Variants in PRKG1 observed in about 807,000 individuals in gnomAD.
The protein encoded by PRKG1 is protein kinase cGMP-dependent 1.
PRKG1 carries 35 observed loss-of-function variants against 88.1 expected under a neutral mutation model. That is an observed-to-expected ratio of 0.40 (90% CI 0.30 to 0.53). The LOEUF (loss-of-function observed/expected upper bound fraction) is 0.53. Ranked by LOEUF, PRKG1 falls within the 20% of genes least tolerant of loss-of-function variation. The pLI, the probability that PRKG1 is intolerant of heterozygous loss-of-function variation, is 0.59. For missense variants in PRKG1, 540 were observed against 839.8 expected (o/e 0.64, Z 4.41); for synonymous variants, 303 against 292.5 (o/e 1.04, Z -0.37).
At chr10:52,086,370 C>G (rs1846913905) in intron 7 of PRKG1, among the ~76,000 whole-genome samples, 2 of 150,596 alleles carry the variant, frequency 1.3e-5, no homozygotes, top group Non-Finnish European at 3.0e-5. Flanking sequence ...TTATTTTTCT[C>G]AGTATATTTT....
At chr10:52,062,494 T>G in intron 6 of PRKG1, 43 bp from the exon 7 acceptor site, 1 of 1,258,082 alleles carries the variant, frequency 7.9e-7, no homozygotes, top group Non-Finnish European at 1.1e-6. Context: ...TTGTCCATTG[T>G]GGGTAAGCAG....
At chr10:52,065,664 T>C (rs1462567018) in intron 7 of PRKG1, among the ~76,000 whole-genome samples, 1 of 152,228 alleles carries the variant, frequency 6.6e-6, no homozygotes, top group Non-Finnish European at 1.5e-5. Context: ...CTGATGAACA[T>C]ATAGTTGCCA....
At chr10:51,688,339 G>A (rs1339494597) in intron 3 of PRKG1, among the ~76,000 whole-genome samples, 2 of 152,020 alleles carry the variant, frequency 1.3e-5, no homozygotes, top group East Asian at 3.9e-4. Flanking sequence ...GGTATATTCT[G>A]TTCTCCTCAG....
intron 7 of PRKG1, among the ~76,000 whole-genome samples, chr10:52,100,807 T>A (rs1191955892): frequency 6.6e-6 from 1 of 152,246 alleles, no homozygotes; most frequent in African/African-American, 2.4e-5. Context: ...CTTATTTATA[T>A]CTGCTTTATT....
intron 3 of PRKG1, among the ~76,000 whole-genome samples, chr10:51,480,026 G>C (rs575375342): frequency 6.6e-6 from 1 of 151,988 alleles, no homozygotes; most frequent in East Asian, 1.9e-4. Flanking sequence ...TTAAATGTTG[G>C]CAAGCTTGAT....
At chr10:51,189,459 T>C (rs1035467853) in intron 2 of PRKG1, among the ~76,000 whole-genome samples, 1 of 151,878 alleles carries the variant, frequency 6.6e-6, no homozygotes, top group Non-Finnish European at 1.5e-5. Flanking sequence ...AAAATTCCTA[T>C]GAGCAAATAA....
intron 3 of PRKG1, among the ~76,000 whole-genome samples, chr10:51,632,180 C>A (rs1360579413): frequency 6.6e-6 from 1 of 151,854 alleles, no homozygotes; most frequent in Admixed American, 6.6e-5. Flanking sequence ...AGTTCTTCTT[C>A]TTCTAATATG....
At chr10:51,306,420 AC>A (rs1464920933) in intron 2 of PRKG1, 1 of 152,144 alleles carries the variant, frequency 6.6e-6, no homozygotes, top group Non-Finnish European at 1.5e-5. Flanking sequence ...CCAGGCTTTT[AC>A]CCAGTATGGC....
rs565962389 is a variant in PRKG1, at chr10:51,213,016, G to A, written c.478+59686G>A. Among the ~76,000 whole-genome samples the A allele has an allele frequency of 3.9e-4, 60 of 152,200 alleles. No homozygotes were observed. In the East Asian group the frequency reaches 4.4e-3, roughly 11 times the overall value. The stretch of plus-strand genomic sequence containing the variant: ...TGCTGCTATAAAGACACATGCACAC[G>A]TATGTTTATTGCGGCACTATTCACA... On this transcript the variant is annotated intron_variant, in intron 2 of 17. Transcript: ENST00000373980.
At chr10:51,209,060 C>T (rs530303762) in intron 2 of PRKG1, among the ~76,000 whole-genome samples, 1 of 152,252 alleles carries the variant, frequency 6.6e-6, no homozygotes, top group South Asian at 2.1e-4. Context: ...GCCCCTCCAG[C>T]AATGGAAAAT....
chr10:51,215,922 G>A (rs10996110), intron 2 of PRKG1, among the ~76,000 whole-genome samples: 1 of 152,218 alleles, frequency 6.6e-6, no homozygotes, highest in African/African-American at 2.4e-5. Flanking sequence ...TTCATGGAAG[G>A]TGTCTTTGAA....
chr10:52,161,399 T>A (rs903126156), intron 8 of PRKG1, among the ~76,000 whole-genome samples: 20 of 152,126 alleles, frequency 1.3e-4, no homozygotes, highest in African/African-American at 4.8e-4. Context: ...AACCTTAGTT[T>A]ACTATTTTGT....
At chr10:51,024,574 TTA>T (rs1420391700) in intron 1 of PRKG1, among the ~76,000 whole-genome samples, 1 of 152,204 alleles carries the variant, frequency 6.6e-6, no homozygotes, top group African/African-American at 2.4e-5. Context: ...CGTAACTGTA[TTA>T]GTTTGTTCTC....
At chr10:52,078,661 G>A (rs115817970) in intron 7 of PRKG1, among the ~76,000 whole-genome samples, 373 of 152,282 alleles carry the variant, frequency 2.4e-3, no homozygotes, top group African/African-American at 8.3e-3. Context: ...TTCAAAGGAA[G>A]ACTGGATAAA....
intron 2 of PRKG1, among the ~76,000 whole-genome samples, chr10:51,417,779 T>G (rs891227153): frequency 6.6e-6 from 1 of 152,222 alleles, no homozygotes; most frequent in African/African-American, 2.4e-5. Context: ...TTCAGTATCC[T>G]CATCGTGATC....
chr10:51,462,757 C>A (rs896714394), intron 2 of PRKG1, among the ~76,000 whole-genome samples: 1 of 152,142 alleles, frequency 6.6e-6, no homozygotes, highest in Non-Finnish European at 1.5e-5. Flanking sequence ...ACCCTTTAAA[C>A]GTCATTTTAG....
intron 3 of PRKG1, chr10:51,695,423 T>C (rs977660192): frequency 2.0e-5 from 3 of 152,214 alleles, no homozygotes; most frequent in African/African-American, 7.2e-5. Flanking sequence ...GCCCCATGTA[T>C]ATCCAGAATG....
intron 2 of PRKG1, among the ~76,000 whole-genome samples, chr10:51,169,243 A>G (rs1305971803): frequency 1.3e-5 from 2 of 152,150 alleles, no homozygotes; most frequent in Non-Finnish European, 2.9e-5. Context: ...AAGATAATAC[A>G]TTACTGTATA....
chr10:52,110,184 TA>T (rs1395456560), intron 7 of PRKG1, among the ~76,000 whole-genome samples: 9 of 151,730 alleles, frequency 5.9e-5, no homozygotes, highest in Non-Finnish European at 2.9e-5. Flanking sequence ...CCGTCTCTAC[TA>T]AAAATACAAA....
Sources: gnomAD v4.1 joint callset for allele counts (sites outside exome capture counted in the v4.1 genomes callset) on GRCh38, gnomAD v4.1.1 for gene constraint, MANE v1.5 for transcripts, NCBI Gene and HGNC (gene_info 2026-07-23, HGNC 2026-07-21) for gene names.